The following ADAMTS12 variants were observed in gnomAD, a reference collection of about 807,000 sequenced individuals.
The protein encoded by ADAMTS12 is A disintegrin and metalloproteinase with thrombospondin motifs 12.
In ADAMTS12, 118 loss-of-function variants were observed where a neutral mutation model predicts 167.8. The observed-to-expected ratio is 0.70, with a 90% CI of 0.61 to 0.82. The LOEUF is 0.82. Ranked by LOEUF, ADAMTS12 falls within the 40% of genes least tolerant of loss-of-function variation. The pLI is 0.00. For synonymous variants in ADAMTS12, 704 were observed against 716.9 expected (o/e 0.98, Z 0.29); for missense variants, 1,916 against 1,998.8 (o/e 0.96, Z 0.79).
rs765913018 is a variant in ADAMTS12, at chr5:33,576,287, T to A, written c.3739A>T (p.Thr1247Ser). Residue 1247 changes from threonine (T) to serine (S), a missense_variant, in exon 19 of 24, where the codon ACT becomes TCT. Coordinates refer to ENST00000504830, the MANE Select transcript of ADAMTS12 (RefSeq NM_030955.4). ...TGGTCTCCTCCCAGAGGGAGCAGAG[T>A]GTTGGCTGGCTTTTCAGTAACCATC... is the stretch of plus-strand genomic sequence containing the variant. Reference protein sequence around the residue: ...EGMVTEKPANTLLPLGGDHQP... With the variant: ...EGMVTEKPANSLLPLGGDHQP... The A allele has an allele frequency of 6.2e-7, 1 of 1,614,138 alleles. No homozygotes were observed. Among genetic ancestry groups the A allele is most frequent in the Non-Finnish European group, 8.5e-7 (1 of 1,180,012 alleles).
At chr5:33,552,778 A>G (rs185682328) in intron 20 of ADAMTS12, among the ~76,000 whole-genome samples, 1 of 152,342 alleles carries the variant, frequency 6.6e-6, no homozygotes, top group East Asian at 1.9e-4. Flanking sequence ...GTAGCCCTGT[A>G]GTATACTTTG....
chr5:33,881,735 T>G (rs1481805594), intron 1 of ADAMTS12, among the ~76,000 whole-genome samples: 1 of 39,462 alleles, frequency 2.5e-5, no homozygotes, highest in Non-Finnish European at 3.7e-5. Flanking sequence ...GCTAATTTTG[T>G]TTTTTTTTTT....
At chr5:33,858,449 G>T (rs375833515) in intron 2 of ADAMTS12, among the ~76,000 whole-genome samples, 2 of 152,284 alleles carry the variant, frequency 1.3e-5, no homozygotes, top group East Asian at 1.9e-4. Context: ...TTGAGCCCAA[G>T]AACTCAAGAC....
intron 2 of ADAMTS12, among the ~76,000 whole-genome samples, chr5:33,773,302 T>G (rs1206855352): frequency 6.6e-6 from 1 of 152,230 alleles, no homozygotes; most frequent in Non-Finnish European, 1.5e-5. Flanking sequence ...CTATAATAGA[T>G]AGTAGGCAGA....
intron 19 of ADAMTS12, among the ~76,000 whole-genome samples, chr5:33,574,491 A>G (rs1184573362): frequency 6.6e-6 from 1 of 152,068 alleles, no homozygotes; most frequent in Non-Finnish European, 1.5e-5. Flanking sequence ...GTAAACTATC[A>G]CAAGGACAAA....
In ADAMTS12 at chr5:33,853,964, C is replaced by A. The variant is rs576712014; in HGVS notation, c.489+27155G>T. ...CAGCTCTAAAGAGGCAAAGTCTTGTCTAAAGTAACACAGTGCATAGTCGAG... is the reference window on the plus strand; with the variant it reads ...CAGCTCTAAAGAGGCAAAGTCTTGTATAAAGTAACACAGTGCATAGTCGAG... On this transcript the variant is annotated intron_variant, in intron 2 of 23. Coordinates refer to ENST00000504830, the MANE Select transcript of ADAMTS12 (RefSeq NM_030955.4). Among the ~76,000 whole-genome samples, 13 of 152,330 alleles carry A rather than the reference C, an allele frequency of 8.5e-5. No individual in the cohort carries two copies. In the East Asian group the frequency reaches 2.5e-3, roughly 29 times the overall value.
At chr5:33,855,597 C>T (rs918672615) in intron 2 of ADAMTS12, among the ~76,000 whole-genome samples, 11 of 152,228 alleles carry the variant, frequency 7.2e-5, no homozygotes, top group Admixed American at 5.9e-4. Context: ...TGTTTGCCTT[C>T]GAACATGACT....
rs546579426 is a variant in ADAMTS12 at position 33,813,561 on chromosome 5, G to A, written c.490-62013C>T. Among the ~76,000 whole-genome samples, 30 of 152,294 alleles carry A rather than the reference G, an allele frequency of 2.0e-4. No homozygotes were observed. In the South Asian group the frequency reaches 4.6e-3, roughly 23 times the overall value. On this transcript the variant is annotated intron_variant, in intron 2 of 23. Transcript: ENST00000504830. ...ATCAGTAGAATACAGTAGAAATTAT[G>A]CACTGCCAGTTCTGAGCCTAACCTT...
chr5:33,854,598 G>C (rs539303221), intron 2 of ADAMTS12, among the ~76,000 whole-genome samples: 2 of 152,304 alleles, frequency 1.3e-5, no homozygotes, highest in African/African-American at 2.4e-5. Context: ...AAACAATGCT[G>C]CTTCTTAAAA....
At chr5:33,647,513 C>T (rs905166827) in intron 9 of ADAMTS12, among the ~76,000 whole-genome samples, 1 of 152,028 alleles carries the variant, frequency 6.6e-6, no homozygotes, top group Admixed American at 6.6e-5. Flanking sequence ...GGTGGATCAC[C>T]TGAAGTCAGG....
intron 11 of ADAMTS12, among the ~76,000 whole-genome samples, 153 bp downstream of exon 11, chr5:33,641,657 C>G (rs185077843): frequency 2.0e-5 from 3 of 152,264 alleles, no homozygotes; most frequent in Non-Finnish European, 4.4e-5. Context: ...TTTCCCCACT[C>G]TCTGTGAATC....
At chr5:33,705,961 T>C (rs1364019224) in intron 3 of ADAMTS12, among the ~76,000 whole-genome samples, 2 of 152,118 alleles carry the variant, frequency 1.3e-5, no homozygotes, top group South Asian at 2.1e-4. Context: ...AAAACACTTA[T>C]GAAAGAAACT....
At chr5:33,890,426 T>G (rs560884157) in intron 1 of ADAMTS12, among the ~76,000 whole-genome samples, 1 of 152,314 alleles carries the variant, frequency 6.6e-6, no homozygotes, top group South Asian at 2.1e-4. Flanking sequence ...GCTCCAGCTT[T>G]CCAAGTAAAG....
At chr5:33,675,060 A>G (rs1741850980) in intron 5 of ADAMTS12, among the ~76,000 whole-genome samples, 1 of 152,254 alleles carries the variant, frequency 6.6e-6, no homozygotes, top group Non-Finnish European at 1.5e-5. Context: ...GCCTTCCACC[A>G]TGGAATGACA....
chr5:33,586,062 C>A (rs928785360), intron 18 of ADAMTS12, among the ~76,000 whole-genome samples: 1 of 152,134 alleles, frequency 6.6e-6, no homozygotes, highest in African/African-American at 2.4e-5. Flanking sequence ...AGTTTTAGAC[C>A]ATCCAGGGTG....
intron 16 of ADAMTS12, among the ~76,000 whole-genome samples, chr5:33,606,524 G>A (rs1199589080): frequency 3.3e-5 from 5 of 152,288 alleles, no homozygotes; most frequent in South Asian, 4.1e-4. Context: ...AGACCACTGC[G>A]TGCCCACTCT....
chr5:33,556,865 G>A (rs1000425925), intron 20 of ADAMTS12, among the ~76,000 whole-genome samples: 2 of 152,224 alleles, frequency 1.3e-5, no homozygotes, highest in African/African-American at 4.8e-5. Flanking sequence ...CCCAGATGGG[G>A]CGGACAGTGT....
intron 19 of ADAMTS12, among the ~76,000 whole-genome samples, chr5:33,573,753 C>T (rs1306394): frequency 6.6e-6 from 1 of 152,058 alleles, no homozygotes; most frequent in Non-Finnish European, 1.5e-5. Context: ...AATGGGATCT[C>T]ATTAAACTAA....
chr5:33,590,295 G>C (rs1201356059), intron 17 of ADAMTS12, among the ~76,000 whole-genome samples: 1 of 152,124 alleles, frequency 6.6e-6, no homozygotes, highest in Admixed American at 6.5e-5. Context: ...AGTCCCTTAG[G>C]GGACATATTG....
Sources: gnomAD v4.1 joint callset for allele counts (sites outside exome capture counted in the v4.1 genomes callset) on GRCh38, gnomAD v4.1.1 for gene constraint, MANE v1.5 for transcripts, NCBI Gene and HGNC (gene_info 2026-07-23, HGNC 2026-07-21) for gene names.